Variants in PDE1C observed in about 807,000 individuals in gnomAD.
PDE1C encodes dual specificity calcium/calmodulin-dependent 3',5'-cyclic nucleotide phosphodiesterase 1C.
Under a neutral mutation model 93.1 loss-of-function variants are expected in PDE1C, and 62 were observed. The observed-to-expected ratio is 0.67, with a 90% confidence interval of 0.54 to 0.82. The LOEUF is 0.82. Ranked by LOEUF, PDE1C falls within the 40% of genes least tolerant of loss-of-function variation. PDE1C has a pLI of 0.00. For missense variants in PDE1C, 742 were observed against 884.6 expected, an observed-to-expected ratio of 0.84 and a Z score of 2.04; for synonymous variants, 325 against 310.1, an observed-to-expected ratio of 1.05 and a Z score of -0.50.
chr7:31,774,745 A>G (rs1169817180), intron 17 of PDE1C, among the ~76,000 whole-genome samples: 1 of 152,238 alleles, frequency 6.6e-6, no homozygotes, highest in Admixed American at 6.5e-5. Flanking sequence ...AAGTTTTAAA[A>G]GGAAGGAAAC....
intron 1 of PDE1C, among the ~76,000 whole-genome samples, chr7:32,405,476 C>G (rs1015968779): frequency 5.3e-5 from 8 of 152,092 alleles, no homozygotes; most frequent in Non-Finnish European, 1.0e-4. Context: ...GTCTTGAACT[C>G]CTGACCTCAG....
chr7:31,980,735 C>T (rs968795320), intron 2 of PDE1C, among the ~76,000 whole-genome samples: 3 of 152,222 alleles, frequency 2.0e-5, no homozygotes, highest in African/African-American at 7.2e-5. Flanking sequence ...GTCTACAGGG[C>T]AGCATTCCTT....
intron 1 of PDE1C, among the ~76,000 whole-genome samples, chr7:32,057,300 T>G (rs983439709): frequency 6.6e-6 from 1 of 152,188 alleles, no homozygotes; most frequent in Non-Finnish European, 1.5e-5. Context: ...AGCTCTTAAG[T>G]AAATTAAAAG....
intron 3 of PDE1C, among the ~76,000 whole-genome samples, chr7:32,158,068 C>T (rs191101330): frequency 6.6e-6 from 1 of 152,220 alleles, no homozygotes; most frequent in Admixed American, 6.5e-5. Context: ...TGTAATTATA[C>T]AATTATAACA....
chr7:31,857,034 C>CATA (rs973178924), intron 7 of PDE1C, among the ~76,000 whole-genome samples: 2 of 152,126 alleles, frequency 1.3e-5, no homozygotes, highest in Non-Finnish European at 2.9e-5. Context: ...GAACACCAGT[C>CATA]ATAATGGATT....
At chr7:31,736,024 G>T in the PDE1C span, among the ~76,000 whole-genome samples, 1 of 152,162 alleles carries the variant, frequency 6.6e-6, no homozygotes, top group Non-Finnish European at 1.5e-5. Flanking sequence ...ACAGTGCATT[G>T]CTGTGTGCAA....
chr7:31,739,158 G>C, the PDE1C span, among the ~76,000 whole-genome samples: 6 of 150,446 alleles, frequency 4.0e-5, no homozygotes, highest in East Asian at 1.2e-3. Context: ...AAGATTTCCT[G>C]TTCACTAAAA....
the PDE1C span, among the ~76,000 whole-genome samples, chr7:31,733,923 G>A: frequency 6.6e-6 from 1 of 152,172 alleles, no homozygotes; most frequent in South Asian, 2.1e-4. Context: ...AAGATCGCTT[G>A]AACCTGGGAG....
chr7:32,331,518 TTA>T (rs1037524334), intron 1 of PDE1C, among the ~76,000 whole-genome samples: 1 of 152,102 alleles, frequency 6.6e-6, no homozygotes, highest in African/African-American at 2.4e-5. Context: ...GGTTCCAAAT[TTA>T]TGTTTTGAAA....
At chr7:32,230,147 C>T (rs1807589450) in intron 1 of PDE1C, among the ~76,000 whole-genome samples, 1 of 152,206 alleles carries the variant, frequency 6.6e-6, no homozygotes, top group South Asian at 2.1e-4. Flanking sequence ...GCTCTCAAGG[C>T]AATCGTCATC....
the PDE1C span, among the ~76,000 whole-genome samples, chr7:31,736,088 C>T: frequency 6.6e-6 from 1 of 152,022 alleles, no homozygotes; most frequent in Non-Finnish European, 1.5e-5. Flanking sequence ...GTTGAGTGAA[C>T]ACAAGGCTGT....
the PDE1C span, among the ~76,000 whole-genome samples, chr7:31,644,721 G>C: frequency 2.0e-5 from 3 of 152,098 alleles, no homozygotes; most frequent in Non-Finnish European, 2.9e-5. Context: ...AGTTTTTAAG[G>C]TAAGAAATGA....
rs929927271 is a variant in PDE1C, at chr7:32,110,881, T to C, written c.308+58904A>G. Among the ~76,000 whole-genome samples, 98 of 152,158 alleles carry C rather than the reference T, an allele frequency of 6.4e-4. 2 individuals are homozygous for C. Among genetic ancestry groups the C allele is most frequent in the Admixed American group, 6.3e-3 (96 of 15,268 alleles). On this transcript the variant is annotated intron_variant, in intron 3 of 18. Transcript: ENST00000396193. ...ATAGCTACCAGTAAAATATCTCACATTGAACATACTCTCACATTGAACACA... is the reference window on the plus strand; with the variant it reads ...ATAGCTACCAGTAAAATATCTCACACTGAACATACTCTCACATTGAACACA...
intron 11 of PDE1C, among the ~76,000 whole-genome samples, chr7:31,833,740 G>T (rs531639123): frequency 1.3e-5 from 2 of 152,302 alleles, no homozygotes; most frequent in East Asian, 3.9e-4. Context: ...GAGGTAACTT[G>T]GGTGCTGTTA....
chr7:31,635,075 A>G, the PDE1C span, among the ~76,000 whole-genome samples: 9 of 152,154 alleles, frequency 5.9e-5, no homozygotes, highest in African/African-American at 1.9e-4. Flanking sequence ...GATATGTTAT[A>G]TTACATATTA....
At chr7:31,948,201 A>G (rs1222823516) in intron 2 of PDE1C, among the ~76,000 whole-genome samples, 2 of 152,132 alleles carry the variant, frequency 1.3e-5, no homozygotes, top group African/African-American at 4.8e-5. Flanking sequence ...ATGCATTCCA[A>G]TTTCTCTAGA....
chr7:32,047,870 T>A (rs1441584861), intron 2 of PDE1C, among the ~76,000 whole-genome samples: 2 of 152,210 alleles, frequency 1.3e-5, no homozygotes, highest in Non-Finnish European at 2.9e-5. Flanking sequence ...AACATTTATA[T>A]CACTTAGTTT....
the PDE1C span, among the ~76,000 whole-genome samples, chr7:31,716,278 C>A: frequency 6.6e-6 from 1 of 152,086 alleles, no homozygotes; most frequent in Non-Finnish European, 1.5e-5. Flanking sequence ...CATTCAGTTG[C>A]CCAAGTTATT....
intron 2 of PDE1C, among the ~76,000 whole-genome samples, chr7:31,917,638 C>T (rs759193715): frequency 1.1e-4 from 16 of 152,086 alleles, no homozygotes; most frequent in African/African-American, 2.9e-4. Context: ...AAGAGAAACA[C>T]GAAAAACCAC....
Sources: gnomAD v4.1 joint callset for allele counts (sites outside exome capture counted in the v4.1 genomes callset) on GRCh38, gnomAD v4.1.1 for gene constraint, MANE v1.5 for transcripts, NCBI Gene and HGNC (gene_info 2026-07-23, HGNC 2026-07-21) for gene names.